Variants in TSPAN15 observed in about 807,000 individuals in gnomAD.
The protein encoded by TSPAN15 is tetraspanin 15.
Under a neutral mutation model 34.5 loss-of-function variants are expected in TSPAN15, and 20 were observed. The ratio of observed to expected loss-of-function variants is 0.58; its 90% CI spans 0.41 to 0.84. The LOEUF (loss-of-function observed/expected upper bound fraction) is 0.84. Ranked by LOEUF, TSPAN15 falls within the 40% of genes least tolerant of loss-of-function variation. The pLI, the probability that TSPAN15 is intolerant of heterozygous loss-of-function variation, is 0.00. For missense variants in TSPAN15, 313 were observed against 386.1 expected, an observed-to-expected ratio of 0.81 and a Z score of 1.59; for synonymous variants, 155 against 153.9, an observed-to-expected ratio of 1.01 and a Z score of -0.05.
chr10:69,451,637 T>TGG lies in TSPAN15; in HGVS notation c.43_44insGG (p.Phe15TrpfsTer20). ...GGAGCAGGTGCGCTACTGCGCGCGC[T>TGG]TCTCCTACCTCTGGCTCAAGTTTTC... On this transcript the variant is annotated frameshift_variant, in exon 1 of 8. Coordinates refer to ENST00000373290, the MANE Select transcript of TSPAN15 (RefSeq NM_012339.5). LOFTEE classifies it high-confidence loss of function. 1 of 1,542,270 alleles carries TGG rather than the reference T, an allele frequency of 6.5e-7. No individual in the cohort carries two copies. The highest frequency in any genetic ancestry group is 8.8e-7 in the Non-Finnish European group (1 of 1,142,662).
chr10:69,540,050 C>T, the TSPAN15 span, among the ~76,000 whole-genome samples: 1 of 152,040 alleles, frequency 6.6e-6, no homozygotes, highest in Non-Finnish European at 1.5e-5. Context: ...ACCATGATGC[C>T]CGGCTAATTT....
chr10:69,497,061 G>C (rs1305369530), intron 4 of TSPAN15, among the ~76,000 whole-genome samples: 1 of 152,196 alleles, frequency 6.6e-6, no homozygotes, highest in Non-Finnish European at 1.5e-5. Context: ...TTGCTTTACA[G>C]ACAACCATCT....
At chr10:69,461,673 G>T (rs1485465766) in intron 1 of TSPAN15, among the ~76,000 whole-genome samples, 3 of 152,174 alleles carry the variant, frequency 2.0e-5, no homozygotes. Context: ...CTGGGTGCAG[G>T]CATGGGCACA....
At chr10:69,521,060 G>A in the TSPAN15 span, among the ~76,000 whole-genome samples, 11 of 152,054 alleles carry the variant, frequency 7.2e-5, no homozygotes, top group African/African-American at 1.2e-4. Flanking sequence ...CTGGGCTGAG[G>A]GCTGCCCAGA....
intron 1 of TSPAN15, among the ~76,000 whole-genome samples, chr10:69,468,073 G>A (rs969854452): frequency 1.5e-4 from 23 of 152,246 alleles, no homozygotes; most frequent in Admixed American, 8.5e-4. Flanking sequence ...ATTAGGAAAG[G>A]CTTGCCTGGA....
the TSPAN15 span, among the ~76,000 whole-genome samples, chr10:69,531,949 A>G: frequency 5.9e-5 from 8 of 135,532 alleles, no homozygotes. Flanking sequence ...ACAAAAAAAA[A>G]ACAAAAAAAA....
chr10:69,464,527 C>T lies in TSPAN15; in HGVS notation c.96+12837C>T, dbSNP rs189944315. Reference sequence around the variant, plus strand: ...AAACCTAATGGAAAGAGGTTAAAACCGGGGAAGGTGGATGCGAGCTAGCTC... The same window carrying T: ...AAACCTAATGGAAAGAGGTTAAAACTGGGGAAGGTGGATGCGAGCTAGCTC... On this transcript the variant is annotated intron_variant, in intron 1 of 7. Transcript: ENST00000373290. Among the ~76,000 whole-genome samples the T allele has an allele frequency of 3.5e-4, 53 of 152,310 alleles. No homozygotes were observed. In the South Asian group the frequency reaches 6.2e-3, roughly 18 times the overall value.
chr10:69,538,787 G>C, the TSPAN15 span, among the ~76,000 whole-genome samples: 1 of 152,192 alleles, frequency 6.6e-6, no homozygotes, highest in Non-Finnish European at 1.5e-5. Flanking sequence ...TTGCATGCAC[G>C]TGTAGACGCC....
chr10:69,513,125 A>C, the TSPAN15 span, among the ~76,000 whole-genome samples: 10 of 152,296 alleles, frequency 6.6e-5, no homozygotes, highest in South Asian at 1.7e-3. Flanking sequence ...TAGTCATGCT[A>C]ATGGGTGTGT....
Position 69,506,414 on chromosome 10 carries a change from C to T in TSPAN15, c.735+174C>T. The T allele has an allele frequency of 1.6e-6, 1 of 627,704 alleles. No individual in the cohort carries two copies. The highest frequency in any genetic ancestry group is 2.8e-6 in the Non-Finnish European group (1 of 356,236). 38.9% of individuals were successfully genotyped at this position (627,704 alleles called of 1,614,324 possible). On this transcript the variant is annotated intron_variant, in intron 7 of 7. Coordinates refer to ENST00000373290, the MANE Select transcript of TSPAN15 (RefSeq NM_012339.5). This position sits in a 1 kb window ranked among gnomAD's most constrained non-coding sequence, Gnocchi z 4.7. ...CAATAGCAGTCGTGGCGAAGCTCTT[C>T]CAAGTGCTGCGCAGGCACTGCTGCT...
chr10:69,486,113 T>G (rs1057469835), intron 3 of TSPAN15, among the ~76,000 whole-genome samples: 5 of 152,194 alleles, frequency 3.3e-5, no homozygotes, highest in Non-Finnish European at 7.4e-5. Context: ...AGCTCACAGA[T>G]CTGATGAGAG....
At chr10:69,471,751 C>G (rs1841513092) in intron 1 of TSPAN15, among the ~76,000 whole-genome samples, 1 of 152,026 alleles carries the variant, frequency 6.6e-6, no homozygotes, top group Admixed American at 6.6e-5. Flanking sequence ...GCCACCACAC[C>G]TGGCTAATTC....
At chr10:69,484,718 TG>T (rs1366390891) in intron 2 of TSPAN15, among the ~76,000 whole-genome samples, 1 of 152,074 alleles carries the variant, frequency 6.6e-6, no homozygotes, top group Non-Finnish European at 1.5e-5. Context: ...TCACCCACTG[TG>T]GGGGATCTGG....
chr10:69,462,258 C>T (rs1469352569), intron 1 of TSPAN15, among the ~76,000 whole-genome samples: 1 of 148,780 alleles, frequency 6.7e-6, no homozygotes, highest in Non-Finnish European at 1.5e-5. Flanking sequence ...GCTTCCGCTT[C>T]CCAAAGTGCT....
chr10:69,505,489 A>G (rs192877751), intron 6 of TSPAN15, among the ~76,000 whole-genome samples: 7 of 152,328 alleles, frequency 4.6e-5, no homozygotes, highest in Admixed American at 2.0e-4. Context: ...TCTGAATTAA[A>G]TAATGTGTAA....
At chr10:69,515,977 G>A in the TSPAN15 span, among the ~76,000 whole-genome samples, 2 of 152,200 alleles carry the variant, frequency 1.3e-5, no homozygotes, top group Non-Finnish European at 2.9e-5. Flanking sequence ...AATACTATAG[G>A]TCCTGATTGT....
At chr10:69,535,064 A>G in the TSPAN15 span, among the ~76,000 whole-genome samples, 3 of 152,196 alleles carry the variant, frequency 2.0e-5, no homozygotes, top group South Asian at 6.2e-4. Flanking sequence ...ATTTTATCTT[A>G]AAATATTTAC....
chr10:69,468,247 C>T (rs1247793318), intron 1 of TSPAN15, among the ~76,000 whole-genome samples: 1 of 152,182 alleles, frequency 6.6e-6, no homozygotes, highest in Non-Finnish European at 1.5e-5. Flanking sequence ...GGGAAAGATG[C>T]TCTAAAGAAC....
chr10:69,531,126 A>C, the TSPAN15 span, among the ~76,000 whole-genome samples: 1 of 146,522 alleles, frequency 6.8e-6, no homozygotes, highest in African/African-American at 2.5e-5. Flanking sequence ...AAATGGAGCA[A>C]GGGAAACAGA....
Sources: gnomAD v4.1 joint callset for allele counts (sites outside exome capture counted in the v4.1 genomes callset) on GRCh38, gnomAD v4.1.1 for gene constraint, Gnocchi (gnomAD v3.1) non-coding constraint, MANE v1.5 for transcripts, NCBI Gene and HGNC (gene_info 2026-07-23, HGNC 2026-07-21) for gene names.